Variants in DCBLD2 observed in about 807,000 individuals in gnomAD.
The protein encoded by DCBLD2 is discoidin, CUB and LCCL domain-containing protein 2.
A neutral mutation model predicts 86.8 loss-of-function variants in DCBLD2; 54 were observed. The ratio of observed to expected loss-of-function variants is 0.62; its 90% CI spans 0.50 to 0.78. The LOEUF (loss-of-function observed/expected upper bound fraction) is 0.78, where lower values mean the gene tolerates loss of function less well. Among genes scored for constraint, DCBLD2 ranks in the 30% least tolerant of loss-of-function variants. The probability of loss-of-function intolerance (pLI) is 0.00; values close to 1 mark genes in which losing one functional copy is unlikely to be tolerated. For missense variants in DCBLD2, 908 were observed against 954.2 expected, an observed-to-expected ratio of 0.95 and a Z score of 0.64; for synonymous variants, 354 against 341.3, an observed-to-expected ratio of 1.04 and a Z score of -0.41.
Position 98,810,529 on chromosome 3 carries a change from G to C in DCBLD2, c.1576+665C>G, listed in dbSNP as rs532150602. Among the ~76,000 whole-genome samples, 4 of 152,266 alleles carry C rather than the reference G, an allele frequency of 2.6e-5. No individual in the cohort carries two copies. The East Asian group carries it at 7.7e-4, about 29-fold the overall frequency. On this transcript the variant is annotated intron_variant, in intron 12 of 15. Transcript: ENST00000326840. ...TTTTATGTGACAACTCTGATACTTA[G>C]TCTACTATGACACTGACACTTTTTT...
chr3:98,849,677 A>G (rs1228803873), intron 2 of DCBLD2, 79 bp from the exon 3 acceptor site: 2 of 1,456,146 alleles, frequency 1.4e-6, no homozygotes, highest in Non-Finnish European at 1.9e-6. Context: ...TAACAGAAGC[A>G]GAATAATATA....
chr3:98,815,302 C>G (rs1220907046), intron 9 of DCBLD2: 1 of 151,666 alleles, frequency 6.6e-6, no homozygotes, highest in Non-Finnish European at 1.5e-5. Flanking sequence ...CCTCATAATA[C>G]ATGGGATGCT....
At chr3:98,853,791 A>G (rs1301603286) in intron 2 of DCBLD2, among the ~76,000 whole-genome samples, 2 of 152,204 alleles carry the variant, frequency 1.3e-5, no homozygotes, top group Non-Finnish European at 1.5e-5. Flanking sequence ...ATTAAATGGA[A>G]GCTCATTCAA....
intron 1 of DCBLD2, among the ~76,000 whole-genome samples, chr3:98,886,098 T>C (rs1193597571): frequency 6.6e-6 from 1 of 151,988 alleles, no homozygotes; most frequent in Non-Finnish European, 1.5e-5. Context: ...GTAATGCTGT[T>C]CTATTCACTA....
chr3:98,875,138 G>A (rs979073928), intron 2 of DCBLD2, among the ~76,000 whole-genome samples: 1 of 152,162 alleles, frequency 6.6e-6, no homozygotes, highest in Non-Finnish European at 1.5e-5. Context: ...ATCTCTATCT[G>A]CAGATGTGAT....
chr3:98,866,703 T>C (rs1943153171), intron 2 of DCBLD2, among the ~76,000 whole-genome samples: 1 of 152,134 alleles, frequency 6.6e-6, no homozygotes, highest in African/African-American at 2.4e-5. Context: ...AGAAGCTCTT[T>C]AGTTTAATTA....
intron 2 of DCBLD2, among the ~76,000 whole-genome samples, chr3:98,856,968 G>C (rs1422324371): frequency 6.6e-6 from 1 of 152,176 alleles, no homozygotes; most frequent in African/African-American, 2.4e-5. Flanking sequence ...AGAATTGGTG[G>C]GTTCTTGGTC....
intron 2 of DCBLD2, among the ~76,000 whole-genome samples, chr3:98,857,316 G>C (rs998221251): frequency 6.6e-6 from 1 of 152,320 alleles, no homozygotes; most frequent in African/African-American, 2.4e-5. Context: ...TTATTGCAAA[G>C]AGCGAAAGAA....
intron 9 of DCBLD2, chr3:98,815,347 G>A (rs1347643265): frequency 6.6e-6 from 1 of 152,080 alleles, no homozygotes; most frequent in African/African-American, 2.4e-5. Context: ...GTCTCAGTGG[G>A]GGAGAAAAAT....
chr3:98,857,170 G>C (rs144752402), intron 2 of DCBLD2, among the ~76,000 whole-genome samples: 1 of 151,990 alleles, frequency 6.6e-6, no homozygotes, highest in African/African-American at 2.4e-5. Flanking sequence ...CTCTTAAGGC[G>C]GCACGTCTGG....
At chr3:98,822,438 G>A in intron 5 of DCBLD2, 77 bp from the exon 6 acceptor site, 2 of 1,505,682 alleles carry the variant, frequency 1.3e-6, no homozygotes, top group Non-Finnish European at 1.8e-6. Context: ...TACTTCCTGA[G>A]AAATCAGTTA....
intron 2 of DCBLD2, among the ~76,000 whole-genome samples, chr3:98,852,622 G>A (rs1004905073): frequency 2.0e-5 from 3 of 152,128 alleles, no homozygotes; most frequent in Non-Finnish European, 2.9e-5. Context: ...ATGGCAAAAC[G>A]GAGATTTTTC....
chr3:98,892,963 G>A (rs1943689038), intron 1 of DCBLD2, among the ~76,000 whole-genome samples: 1 of 152,082 alleles, frequency 6.6e-6, no homozygotes, highest in African/African-American at 2.4e-5. Flanking sequence ...AAAAAGGAGA[G>A]CACAGAACTC....
intron 9 of DCBLD2, chr3:98,816,120 G>A (rs1295448702): frequency 6.7e-6 from 1 of 149,930 alleles, no homozygotes; most frequent in African/African-American, 2.4e-5. Context: ...ACCTTAAAAG[G>A]AGCCACAGAA....
At chr3:98,870,045 C>T (rs1316999830) in intron 2 of DCBLD2, among the ~76,000 whole-genome samples, 4 of 152,182 alleles carry the variant, frequency 2.6e-5, no homozygotes, top group Admixed American at 6.5e-5. Context: ...GCCGCAAGTG[C>T]CACTGGTGAG....
intron 3 of DCBLD2, among the ~76,000 whole-genome samples, chr3:98,825,717 A>C (rs1362648091): frequency 1.4e-5 from 2 of 147,676 alleles, no homozygotes; most frequent in African/African-American, 4.9e-5. Flanking sequence ...TTATAGCTTT[A>C]AAGTGGTTTC....
At chr3:98,898,437 AT>A (rs1943788054) in intron 1 of DCBLD2, among the ~76,000 whole-genome samples, 1 of 151,296 alleles carries the variant, frequency 6.6e-6, no homozygotes, top group Non-Finnish European at 1.5e-5. Flanking sequence ...AAGAAAAAAA[AT>A]CTATCAAAGA....
chr3:98,829,775 G>A (rs1395402037), intron 3 of DCBLD2, among the ~76,000 whole-genome samples: 1 of 152,158 alleles, frequency 6.6e-6, no homozygotes, highest in African/African-American at 2.4e-5. Context: ...CAGTAATGGG[G>A]TTACTAGGTC....
intron 13 of DCBLD2, among the ~76,000 whole-genome samples, chr3:98,803,907 A>C (rs1242490871): frequency 1.3e-5 from 2 of 152,144 alleles, no homozygotes; most frequent in Non-Finnish European, 2.9e-5. Flanking sequence ...ACTTGATCAC[A>C]GTGGATAAGC....
Sources: allele counts gnomAD v4.1 joint callset (sites outside exome capture counted in the v4.1 genomes callset), GRCh38; gene constraint gnomAD v4.1.1; transcripts MANE v1.5; gene names NCBI Gene and HGNC (gene_info 2026-07-23, HGNC 2026-07-21).